TTC1: variants seen among roughly 807,000 people sequenced by gnomAD.
TTC1 encodes the protein tetratricopeptide repeat domain 1.
A neutral mutation model predicts 37.6 loss-of-function variants in TTC1; 31 were observed. The ratio of observed to expected loss-of-function variants is 0.82; its 90% CI spans 0.62 to 1.11. The LOEUF (loss-of-function observed/expected upper bound fraction) is 1.11, where lower values mean the gene tolerates loss of function less well. Among genes scored for constraint, TTC1 ranks in the 50% most tolerant of loss-of-function variants. The pLI is 0.00. For missense variants in TTC1, 351 were observed against 339.0 expected, an observed-to-expected ratio of 1.04 and a Z score of -0.28; for synonymous variants, 127 against 122.4, an observed-to-expected ratio of 1.04 and a Z score of -0.25.
At position 160,023,709 on chromosome 5, in the gene TTC1, C is replaced by T; in HGVS notation, c.331-11431C>T. The T allele has an allele frequency of 1.9e-6, 3 of 1,589,816 alleles. No homozygotes were observed. The South Asian group carries it at 3.3e-5, about 18-fold the overall frequency. On this transcript the variant is annotated intron_variant, in intron 2 of 7. Transcript: ENST00000231238. The stretch of plus-strand genomic sequence containing the variant: ...GTGCACAAGGCATGTCACATGTTGC[C>T]TAATCTTTCCACTCCTATGTGCTTC...
In TTC1 at chr5:160,010,750, A is replaced by G. The variant is rs1160992599; in HGVS notation, c.222A>G (p.Pro74=). The G allele has an allele frequency of 1.2e-6, 2 of 1,614,224 alleles. No homozygotes were observed. The highest frequency in any genetic ancestry group is 1.7e-5 in the Admixed American group (1 of 60,018). ...HDCSASFEEE[P]GADKVENKSN... ...GCAGTGCCTCATTTGAGGAGGAGCCAGGAGCGGACAAGGTTGAGAACAAAT... is the reference window on the plus strand; with the variant it reads ...GCAGTGCCTCATTTGAGGAGGAGCCGGGAGCGGACAAGGTTGAGAACAAAT... Residue 74 remains proline (P), a synonymous_variant, in exon 2 of 8, where the codon CCA becomes CCG. Coordinates refer to ENST00000231238, the MANE Select transcript of TTC1 (RefSeq NM_003314.3).
chr5:160,061,970 G>C (rs552190997), intron 7 of TTC1: 1 of 152,434 alleles, frequency 6.6e-6, no homozygotes, highest in South Asian at 2.1e-4. Context: ...AAGCCATTGG[G>C]GAGCCAGTGC....
At chr5:160,034,593 C>G (rs1323426911) in intron 2 of TTC1, among the ~76,000 whole-genome samples, 3 of 152,008 alleles carry the variant, frequency 2.0e-5, no homozygotes, top group Non-Finnish European at 4.4e-5. Context: ...AAAATAATAG[C>G]TTATTTATTG....
chr5:160,024,118 T>C, intron 2 of TTC1: 2 of 710,452 alleles, frequency 2.8e-6, no homozygotes, highest in Non-Finnish European at 5.0e-6. Flanking sequence ...GCTGTGTACA[T>C]AGCACAGTGC....
At chr5:160,040,700 T>C (rs1757072530) in intron 4 of TTC1, among the ~76,000 whole-genome samples, 1 of 151,970 alleles carries the variant, frequency 6.6e-6, no homozygotes, top group African/African-American at 2.4e-5. Context: ...CACCTCAGCC[T>C]CTCCAGCAGC....
At chr5:160,013,924 G>A (rs1469589316) in intron 2 of TTC1, among the ~76,000 whole-genome samples, 1 of 152,028 alleles carries the variant, frequency 6.6e-6, no homozygotes, top group Admixed American at 6.6e-5. Context: ...TTTAGATAGG[G>A]CTATCAATAG....
At chr5:160,017,870 C>T (rs1201208355) in intron 2 of TTC1, among the ~76,000 whole-genome samples, 5 of 152,178 alleles carry the variant, frequency 3.3e-5, no homozygotes, top group Admixed American at 6.5e-5. Flanking sequence ...TACATTTCTT[C>T]CACCCACTAG....
intron 5 of TTC1, 75 bp downstream of exon 5, chr5:160,043,244 T>G: frequency 6.5e-7 from 1 of 1,541,948 alleles, no homozygotes; most frequent in Non-Finnish European, 8.9e-7. Context: ...GGGTCAGGTG[T>G]GCACTTGTAC....
At chr5:160,049,708 T>G (rs1757352079) in intron 6 of TTC1, 46 bp downstream of exon 6, 1 of 1,426,170 alleles carries the variant, frequency 7.0e-7, no homozygotes, top group Non-Finnish European at 9.3e-7. Flanking sequence ...ATTCTTTGTG[T>G]TGCTACCCAG....
chr5:160,021,868 C>T (rs1249345178), intron 2 of TTC1, among the ~76,000 whole-genome samples: 1 of 152,186 alleles, frequency 6.6e-6, no homozygotes, highest in South Asian at 2.1e-4. Context: ...GCATGTGCCT[C>T]CACTTTCCAG....
intron 7 of TTC1, among the ~76,000 whole-genome samples, chr5:160,064,131 G>T (rs976162331): frequency 6.6e-6 from 1 of 152,022 alleles, no homozygotes; most frequent in African/African-American, 2.4e-5. Flanking sequence ...ACCACCCTCA[G>T]CTGATTTTTG....
intron 6 of TTC1, 152 bp from the exon 7 acceptor site, chr5:160,050,977 G>GGT (rs1757387275): frequency 2.2e-6 from 1 of 446,994 alleles, no homozygotes; most frequent in African/African-American, 2.1e-5. Flanking sequence ...AATACTTGGG[G>GGT]TTTTTTTTTT....
chr5:160,023,481 C>T (rs1219365999), intron 2 of TTC1, among the ~76,000 whole-genome samples: 2 of 151,828 alleles, frequency 1.3e-5, no homozygotes, highest in African/African-American at 4.8e-5. Flanking sequence ...TTAGGAGAGA[C>T]ACGGTCTTGC....
At chr5:160,015,155 C>T (rs1357462213) in intron 2 of TTC1, among the ~76,000 whole-genome samples, 1 of 152,126 alleles carries the variant, frequency 6.6e-6, no homozygotes, top group Non-Finnish European at 1.5e-5. Flanking sequence ...GCACCACCTA[C>T]CAAAATCCAG....
chr5:160,055,514 A>G (rs554678814), intron 7 of TTC1, among the ~76,000 whole-genome samples: 3 of 152,372 alleles, frequency 2.0e-5, no homozygotes, highest in South Asian at 2.1e-4. Flanking sequence ...TTGGAGCTGC[A>G]TCTCAGATAT....
Position 160,065,018 on chromosome 5 carries a change from G to T in TTC1, c.832G>T (p.Gly278Cys), listed in dbSNP as rs368082206. 3.7e-6 allele frequency: 6 copies of T among 1,613,816 alleles called. No homozygotes were observed. Among genetic ancestry groups the T allele is most frequent in the Non-Finnish European group, 5.1e-6 (6 of 1,179,988 alleles). The stretch of plus-strand genomic sequence containing the variant: ...CCAGATCAAACAGGATTCCTCTACC[G>T]GCTCGTACTCCATCAATTTCGTTCA... ...NFQIKQDSST[G>C]SYSINFVQNP... The change falls in exon 8 of 8, where the codon GGC (glycine) becomes TGC (cysteine). Residue 278 changes from glycine to cysteine, a missense_variant. Coordinates refer to ENST00000231238, the MANE Select transcript of TTC1 (RefSeq NM_003314.3).
intron 3 of TTC1, 51 bp downstream of exon 3, chr5:160,035,251 G>A: frequency 6.9e-7 from 1 of 1,459,842 alleles, no homozygotes; most frequent in Non-Finnish European, 9.3e-7. Flanking sequence ...TCCTCATCCT[G>A]TTGTAGAGTC....
chr5:160,036,051 A>G (rs1756994461), intron 3 of TTC1, among the ~76,000 whole-genome samples: 1 of 151,784 alleles, frequency 6.6e-6, no homozygotes, highest in Admixed American at 6.6e-5. Context: ...TTGTATGTTA[A>G]TATTAAATAT....
At chr5:160,038,135 G>A (rs558386079) in intron 4 of TTC1, among the ~76,000 whole-genome samples, 1 of 151,910 alleles carries the variant, frequency 6.6e-6, no homozygotes, top group African/African-American at 2.4e-5. Flanking sequence ...TCAAAGCAGA[G>A]TATTTTTGGA....
Sources: allele counts gnomAD v4.1 joint callset (sites outside exome capture counted in the v4.1 genomes callset), GRCh38; gene constraint gnomAD v4.1.1; transcripts MANE v1.5; gene names NCBI Gene and HGNC (gene_info 2026-07-23, HGNC 2026-07-21).